The following MSN variants were observed in gnomAD, a reference collection of about 807,000 sequenced individuals.
MSN encodes the protein moesin.
In MSN, 2 loss-of-function variants were observed where a neutral mutation model predicts 48.0. The observed-to-expected ratio is 0.04, with a 90% CI of 0.02 to 0.13. The LOEUF (loss-of-function observed/expected upper bound fraction) is 0.13. Ranked by LOEUF, MSN falls within the 10% of genes least tolerant of loss-of-function variation. MSN has a pLI of 1.00. For synonymous variants in MSN, 146 were observed against 166.9 expected, an observed-to-expected ratio of 0.87 and a Z score of 0.97; for missense variants, 267 against 470.1, an observed-to-expected ratio of 0.57 and a Z score of 3.99.
At chrX:65,642,134 CA>C (rs1220561125) in intron 1 of MSN, among the ~76,000 whole-genome samples, 3 of 59,778 alleles carry the variant, frequency 5.0e-5, no homozygotes, top group Admixed American at 2.5e-4. Context: ...AACTCCATCT[CA>C]AAAAAAAAAA....
intron 1 of MSN, among the ~76,000 whole-genome samples, chrX:65,653,256 G>C (rs2070755101): frequency 9.0e-6 from 1 of 111,102 alleles, no homozygotes; most frequent in South Asian, 3.8e-4. Flanking sequence ...GATGTGGCTG[G>C]TTTGAAGGGG....
At chrX:65,654,220 C>T (rs1353748027) in intron 1 of MSN, among the ~76,000 whole-genome samples, 1 of 108,217 alleles carries the variant, frequency 9.2e-6, no homozygotes, top group Non-Finnish European at 1.9e-5. Context: ...ATTCTCCTGC[C>T]TCAGCCTCCT....
At chrX:65,691,517 T>A (rs1429430119) in intron 1 of MSN, among the ~76,000 whole-genome samples, 1 of 111,815 alleles carries the variant, frequency 8.9e-6, no homozygotes, top group Non-Finnish European at 1.9e-5. Flanking sequence ...TTTTCCTTTT[T>A]TTTTGAGATG....
Position 65,733,244 on chromosome X carries a change from G to T in MSN, c.759G>T (p.Lys253Asn). The T allele has an allele frequency of 1.7e-6, 2 of 1,211,250 alleles. No individual in the cohort carries two copies. The highest frequency in any genetic ancestry group is 2.2e-6 in the Non-Finnish European group (2 of 895,144). ...TCAGGAACATCTCTTTCAATGATAA[G>T]AAATTTGTCATCAAGCCCATTGACA... ...SEIRNISFND[K>N]KFVIKPIDKK... is the part of the protein sequence containing the mutation. Residue 253 changes from lysine to asparagine, a missense_variant, in exon 7 of 13, where the codon AAG (lysine) becomes AAT (asparagine). Coordinates refer to ENST00000360270, the MANE Select transcript of MSN (RefSeq NM_002444.3).
chrX:65,623,702 C>T (rs1196744135), intron 1 of MSN, among the ~76,000 whole-genome samples: 4 of 108,974 alleles, frequency 3.7e-5, no homozygotes, highest in Non-Finnish European at 7.6e-5. Context: ...ATCCCAGCTA[C>T]TTGGGAGGCT....
intron 1 of MSN, among the ~76,000 whole-genome samples, chrX:65,617,491 C>T (rs764327411): frequency 2.5e-4 from 26 of 105,804 alleles, no homozygotes; most frequent in African/African-American, 6.0e-4. Flanking sequence ...AGTTTATTTG[C>T]GTAGAGGTGT....
chrX:65,629,452 C>T (rs1161181332), intron 1 of MSN, among the ~76,000 whole-genome samples: 2 of 112,278 alleles, frequency 1.8e-5, no homozygotes, highest in African/African-American at 6.5e-5. Context: ...TCCAAAGTTG[C>T]TTCCACATTT....
intron 1 of MSN, among the ~76,000 whole-genome samples, chrX:65,601,374 G>A (rs1375422133): frequency 8.9e-6 from 1 of 112,000 alleles, no homozygotes; most frequent in African/African-American, 3.2e-5. Flanking sequence ...GAAGCAGTTG[G>A]GGCCTGCCTC....
In MSN at chrX:65,607,085, G is replaced by T. The variant is rs2070284434; in HGVS notation, c.-22+18473G>T. Among the ~76,000 whole-genome samples, 6 of 111,857 alleles carry T rather than the reference G, an allele frequency of 5.4e-5. No individual in the cohort carries two copies. The South Asian group carries it at 1.8e-3, about 34-fold the overall frequency. On this transcript the variant is annotated intron_variant, in intron 1 of 3. Coordinates refer to the MSN transcript ENST00000609672. ...CTAATGAGTATTTTCAATGGACCAGGTATTTTATACATCTTTTCATTTAAT... is the reference window on the plus strand; with the variant it reads ...CTAATGAGTATTTTCAATGGACCAGTTATTTTATACATCTTTTCATTTAAT...
intron 1 of MSN, among the ~76,000 whole-genome samples, chrX:65,695,047 G>C (rs899780135): frequency 5.4e-5 from 6 of 111,146 alleles, no homozygotes; most frequent in Non-Finnish European, 9.4e-5. Context: ...TATGCTGGTA[G>C]CTTTCACTTC....
chrX:65,604,499 G>A (rs1011599067), intron 1 of MSN, among the ~76,000 whole-genome samples: 1 of 112,222 alleles, frequency 8.9e-6, no homozygotes, highest in African/African-American at 3.2e-5. Context: ...ACATAAAGGA[G>A]GGATTCTCTG....
intron 1 of MSN, among the ~76,000 whole-genome samples, chrX:65,677,120 G>A (rs1395776932): frequency 9.0e-6 from 1 of 111,702 alleles, no homozygotes; most frequent in Non-Finnish European, 1.9e-5. Context: ...GAGGCACTGC[G>A]CCTGGCTGAT....
intron 1 of MSN, among the ~76,000 whole-genome samples, chrX:65,713,353 A>T (rs2071432220): frequency 9.0e-6 from 1 of 111,399 alleles, no homozygotes; most frequent in African/African-American, 3.3e-5. Flanking sequence ...ACCCACCTCT[A>T]CTGAGGCCCC....
At chrX:65,679,331 G>T (rs1049888942) in intron 1 of MSN, among the ~76,000 whole-genome samples, 1 of 111,961 alleles carries the variant, frequency 8.9e-6, no homozygotes, top group Non-Finnish European at 1.9e-5. Context: ...ATCCCTTTTT[G>T]TAGGGCTATG....
At chrX:65,643,658 G>A (rs2070674644) in intron 1 of MSN, among the ~76,000 whole-genome samples, 1 of 111,818 alleles carries the variant, frequency 8.9e-6, no homozygotes, top group African/African-American at 3.2e-5. Context: ...TGTGCAGCCA[G>A]GGCTATGAAT....
chrX:65,601,581 G>A (rs1011944801), intron 1 of MSN, among the ~76,000 whole-genome samples: 2 of 112,630 alleles, frequency 1.8e-5, no homozygotes, highest in South Asian at 3.6e-4. Flanking sequence ...CTGGCTGGGC[G>A]GGTGGGAAAT....
intron 1 of MSN, among the ~76,000 whole-genome samples, chrX:65,621,683 C>A (rs12013239): frequency 0.15 from 17,030 of 111,327 alleles, 3,156 homozygotes; most frequent in African/African-American, 0.52. Flanking sequence ...TTGGAATTTG[C>A]TACAGATTGC....
At chrX:65,715,758 A>G (rs2071457797) in intron 1 of MSN, among the ~76,000 whole-genome samples, 2 of 111,878 alleles carry the variant, frequency 1.8e-5, no homozygotes, top group African/African-American at 6.5e-5. Flanking sequence ...ATATAGGATC[A>G]TGTCATCTGC....
intron 7 of MSN, among the ~76,000 whole-genome samples, chrX:65,734,437 G>A (rs761946408): frequency 9.0e-6 from 1 of 111,670 alleles, no homozygotes; most frequent in Admixed American, 9.5e-5. Flanking sequence ...GAGAGATGGA[G>A]TGATTTGCCC....
Sources: gnomAD v4.1 joint callset for allele counts (sites outside exome capture counted in the v4.1 genomes callset) on GRCh38, gnomAD v4.1.1 for gene constraint, MANE v1.5 for transcripts, NCBI Gene and HGNC (gene_info 2026-07-23, HGNC 2026-07-21) for gene names.